The following SYT16 variants were observed in gnomAD, a reference collection of about 807,000 sequenced individuals.
SYT16 encodes the protein synaptotagmin 16, also known as synaptotagmin-16.
SYT16 carries 42 observed loss-of-function variants against 61.4 expected under a neutral mutation model. The ratio of observed to expected loss-of-function variants is 0.68; its 90% CI spans 0.53 to 0.89. SYT16 has a LOEUF of 0.89. Ranked by LOEUF, SYT16 falls within the 40% of genes least tolerant of loss-of-function variation. The pLI, the probability that SYT16 is intolerant of heterozygous loss-of-function variation, is 0.00. For missense variants in SYT16, 804 were observed against 807.3 expected, an observed-to-expected ratio of 1.00 and a Z score of 0.05; for synonymous variants, 314 against 302.3, an observed-to-expected ratio of 1.04 and a Z score of -0.40.
intron 1 of SYT16, among the ~76,000 whole-genome samples, chr14:61,862,705 A>G (rs1227651813): frequency 6.6e-6 from 1 of 152,230 alleles, no homozygotes; most frequent in Non-Finnish European, 1.5e-5. Context: ...GTATAGTGAC[A>G]TGTATTCATT....
intron 1 of SYT16, among the ~76,000 whole-genome samples, chr14:61,916,137 A>C (rs1330862080): frequency 1.3e-5 from 2 of 152,154 alleles, no homozygotes; most frequent in African/African-American, 4.8e-5. Context: ...ATTGTATTTG[A>C]AAACCATTTT....
rs2054826591 is a variant in SYT16, at chr14:62,043,452, G to C, written c.524-26151G>C. Among the ~76,000 whole-genome samples, 4 of 140,744 alleles carry C rather than the reference G, an allele frequency of 2.8e-5. No homozygotes were observed. The South Asian group carries it at 8.8e-4, about 31-fold the overall frequency. 92.3% of individuals were successfully genotyped at this position (140,744 alleles called of 152,430 possible). On this transcript the variant is annotated intron_variant, in intron 3 of 7. Coordinates refer to ENST00000683842, the MANE Select transcript of SYT16 (RefSeq NM_001367656.1). Reference sequence around the variant, plus strand: ...AGATGGAGTGTTTCTCTGTCGCCCAGGCTGGAGTGCAGTGGTGTGATCTCA... The same window carrying C: ...AGATGGAGTGTTTCTCTGTCGCCCACGCTGGAGTGCAGTGGTGTGATCTCA...
At chr14:61,911,107 A>T (rs1168313841) in intron 1 of SYT16, among the ~76,000 whole-genome samples, 7 of 152,158 alleles carry the variant, frequency 4.6e-5, no homozygotes, top group African/African-American at 1.4e-4. Flanking sequence ...TTGAATTTTT[A>T]TGACTAAAAT....
intron 3 of SYT16, among the ~76,000 whole-genome samples, chr14:62,011,598 T>C (rs1020817598): frequency 2.0e-5 from 3 of 151,624 alleles, no homozygotes; most frequent in African/African-American, 7.3e-5. Context: ...TACCTGAGAG[T>C]GGAGGAAAGG....
chr14:61,956,469 T>A (rs1362824100), intron 1 of SYT16, among the ~76,000 whole-genome samples: 1 of 152,066 alleles, frequency 6.6e-6, no homozygotes, highest in East Asian at 1.9e-4. Context: ...CATTTCGAGT[T>A]GATTTTTGTG....
At chr14:61,975,652 A>G (rs376319755) in intron 2 of SYT16, among the ~76,000 whole-genome samples, 27 of 152,296 alleles carry the variant, frequency 1.8e-4, no homozygotes, top group African/African-American at 5.3e-4. Context: ...CCATGGTTCA[A>G]TTACCTCCAC....
At chr14:61,877,811 A>G (rs2047551843) in intron 1 of SYT16, among the ~76,000 whole-genome samples, 1 of 152,218 alleles carries the variant, frequency 6.6e-6, no homozygotes, top group African/African-American at 2.4e-5. Context: ...GAGTACCCAG[A>G]AGGAGAATCG....
At chr14:62,053,898 G>C (rs1170296570) in intron 3 of SYT16, among the ~76,000 whole-genome samples, 1 of 152,156 alleles carries the variant, frequency 6.6e-6, no homozygotes, top group African/African-American at 2.4e-5. Context: ...GGTGCTTTTT[G>C]TGGAACCCCA....
At chr14:61,903,060 G>A (rs919077388) in intron 1 of SYT16, among the ~76,000 whole-genome samples, 2 of 152,072 alleles carry the variant, frequency 1.3e-5, no homozygotes, top group African/African-American at 4.8e-5. Flanking sequence ...GCAGAACTCC[G>A]GTATCTGCTT....
intron 1 of SYT16, among the ~76,000 whole-genome samples, chr14:61,881,684 T>C (rs550751146): frequency 6.6e-6 from 1 of 152,330 alleles, no homozygotes; most frequent in African/African-American, 2.4e-5. Context: ...AGTCCAGTGT[T>C]GACAGTAGAT....
intron 3 of SYT16, among the ~76,000 whole-genome samples, chr14:62,029,348 TAGAA>T (rs1464403170): frequency 1.3e-5 from 2 of 152,156 alleles, no homozygotes; most frequent in African/African-American, 2.4e-5. Context: ...GAAAAGGAGA[TAGAA>T]AGAGCATCAT....
chr14:61,942,182 G>A (rs186808269), intron 1 of SYT16, among the ~76,000 whole-genome samples: 130 of 152,306 alleles, frequency 8.5e-4, no homozygotes, highest in African/African-American at 2.7e-3. Flanking sequence ...TTGCTAAGTC[G>A]CTTGGCCTCC....
At chr14:61,899,012 G>A (rs771161401) in intron 1 of SYT16, among the ~76,000 whole-genome samples, 2 of 152,158 alleles carry the variant, frequency 1.3e-5, no homozygotes, top group Non-Finnish European at 2.9e-5. Flanking sequence ...TATGTTTCTT[G>A]TACACTGGAA....
chr14:61,832,612 A>G (rs1371981316), intron 1 of SYT16, among the ~76,000 whole-genome samples: 1 of 151,616 alleles, frequency 6.6e-6, no homozygotes, highest in Non-Finnish European at 1.5e-5. Context: ...AATTTTTTGT[A>G]TTTTTAGTAT....
Position 62,110,545 on chromosome 14 carries a change from T to A in SYT16, c.*9838T>A, listed in dbSNP as rs1235078096. 2 of 152,156 alleles carry A rather than the reference T, an allele frequency of 1.3e-5. No homozygotes were observed. Among genetic ancestry groups the A allele is most frequent in the Non-Finnish European group, 2.9e-5 (2 of 67,966 alleles). 9.4% of individuals were successfully genotyped at this position (152,156 alleles called of 1,614,324 possible). Reference sequence around the variant, plus strand: ...AATATATCAAAGTAATTGACACTTTTAGAGCTCTGCCAATCAGTGGGCCAT... The same window carrying A: ...AATATATCAAAGTAATTGACACTTTAAGAGCTCTGCCAATCAGTGGGCCAT... On this transcript the variant is annotated 3_prime_UTR_variant, in exon 8 of 8. Coordinates refer to ENST00000683842, the MANE Select transcript of SYT16 (RefSeq NM_001367656.1).
At chr14:61,857,944 G>C (rs2140281541) in intron 1 of SYT16, among the ~76,000 whole-genome samples, 1 of 151,952 alleles carries the variant, frequency 6.6e-6, no homozygotes, top group East Asian at 1.9e-4. Context: ...TTTTCCAGCA[G>C]ACAGCATCAG....
At position 62,036,570 on chromosome 14, in the gene SYT16, A is replaced by C. The variant is rs2054516007; in HGVS notation, c.524-33033A>C. ...AAACTGCCTAATTTATTAAGGAAAG[A>C]GTTTCAATGGACTCACAGTTCCACA... On this transcript the variant is annotated intron_variant, in intron 3 of 7. Coordinates refer to ENST00000683842, the MANE Select transcript of SYT16 (RefSeq NM_001367656.1). Among the ~76,000 whole-genome samples the C allele has an allele frequency of 2.0e-5, 3 of 152,172 alleles. No individual in the cohort carries two copies. In the South Asian group the frequency reaches 6.2e-4, roughly 32 times the overall value.
At chr14:61,891,089 G>A (rs1364861879) in intron 1 of SYT16, among the ~76,000 whole-genome samples, 3 of 152,088 alleles carry the variant, frequency 2.0e-5, no homozygotes, top group African/African-American at 7.2e-5. Flanking sequence ...TGCTTCTTTT[G>A]CCTTTTAAAA....
In SYT16 at chr14:61,845,039, CTTTTTTT is replaced by C. The variant is rs35131511; in HGVS notation, c.-325+32249_-325+32255del. Among the ~76,000 whole-genome samples the C allele has an allele frequency of 4.8e-3, 468 of 97,596 alleles. 7 individuals are homozygous for C. The highest frequency in any genetic ancestry group is 0.04 in the South Asian group (118 of 2,914). The allele number at this position is 97,596 out of a possible 152,430, so 64.0% of individuals were successfully genotyped here. A position where few individuals can be genotyped will look rare whatever the true frequency, so the allele number is the denominator to read the frequency against. On this transcript the variant is annotated intron_variant, in intron 1 of 7. Transcript: ENST00000683842. Reference sequence around the variant, plus strand: ...TTGCAAGCTTTTCTTTACTAGAAGACTTTTTTTTTTTTTTTTTTTTTTTTTTGAGATA... The same window carrying C: ...TTGCAAGCTTTTCTTTACTAGAAGACTTTTTTTTTTTTTTTTTTTGAGATA...
Sources: gnomAD v4.1 joint callset for allele counts (sites outside exome capture counted in the v4.1 genomes callset) on GRCh38, gnomAD v4.1.1 for gene constraint, MANE v1.5 for transcripts, NCBI Gene and HGNC (gene_info 2026-07-23, HGNC 2026-07-21) for gene names.